The following CCDC69 variants were observed in gnomAD, a reference collection of about 807,000 sequenced individuals.
CCDC69 encodes coiled-coil domain-containing protein 69.
A neutral mutation model predicts 40.3 loss-of-function variants in CCDC69; 38 were observed. That is an observed-to-expected ratio of 0.94 (90% confidence interval 0.73 to 1.24). The LOEUF (loss-of-function observed/expected upper bound fraction) is 1.24, where lower values mean the gene tolerates loss of function less well. CCDC69 is among the 50% of genes most tolerant of loss of function. The probability of loss-of-function intolerance (pLI) is 0.00; values close to 1 mark genes in which losing one functional copy is unlikely to be tolerated. For synonymous variants in CCDC69, 141 were observed against 138.9 expected (o/e 1.02, Z -0.11); for missense variants, 389 against 357.9 (o/e 1.09, Z -0.70).
rs376794089 is a variant in CCDC69, at chr5:151,184,404, G to T, written c.653C>A (p.Thr218Asn). The change falls in exon 8 of 9, where the codon ACC becomes AAC. Residue 218 changes from threonine to asparagine, a missense_variant. Physicochemically the swap from Thr to Asn is moderately conservative, Grantham distance 65. Transcript: ENST00000355417. ...GAGGTCCTCATTTTCCTGTTGCAGG[G>T]TCGTAATTTTTTCCTCCAATATCAG... is the stretch of plus-strand genomic sequence containing the variant. ...KNLILEEKITTLQQENEDLHV... is the reference protein window; with the variant it reads ...KNLILEEKITNLQQENEDLHV... The T allele has an allele frequency of 1.4e-5, 23 of 1,613,956 alleles. No individual in the cohort carries two copies. The highest frequency in any genetic ancestry group is 1.9e-5 in the Non-Finnish European group (23 of 1,179,956).
intron 2 of CCDC69, among the ~76,000 whole-genome samples, chr5:151,205,196 C>G (rs1278854048): frequency 6.6e-6 from 1 of 152,178 alleles, no homozygotes; most frequent in East Asian, 1.9e-4. Context: ...ATATATAGCA[C>G]TCTAGGTGTG....
chr5:151,201,916 G>T (rs1023500566), intron 2 of CCDC69, among the ~76,000 whole-genome samples: 3 of 152,036 alleles, frequency 2.0e-5, no homozygotes, highest in Non-Finnish European at 4.4e-5. Context: ...TTGTCTTCTG[G>T]TCTCTGCCTC....
chr5:151,196,420 G>A (rs147358476), intron 4 of CCDC69, among the ~76,000 whole-genome samples: 4,541 of 152,198 alleles, frequency 0.03, 148 homozygotes, highest in African/African-American at 0.079. Flanking sequence ...GCCTCCCAAA[G>A]TGCTGGTATT....
intron 1 of CCDC69, 41 bp downstream of exon 1, chr5:151,223,882 C>G (rs1297237392): frequency 6.3e-7 from 1 of 1,584,662 alleles, no homozygotes; most frequent in South Asian, 1.1e-5. Context: ...TCCGCACTCC[C>G]CTCTCCTCTG....
At chr5:151,223,732 G>C (rs1232843775) in intron 1 of CCDC69, among the ~76,000 whole-genome samples, 191 bp downstream of exon 1, 1 of 152,168 alleles carries the variant, frequency 6.6e-6, no homozygotes, top group Non-Finnish European at 1.5e-5. Context: ...TCGGCTGCTT[G>C]GTGCGGCTCG....
rs1752991616 is a variant in CCDC69 at position 151,213,816 on chromosome 5, A to G, written c.49-8341T>C. Reference sequence around the variant, plus strand: ...CTCATTGTTCCTGCTTAACTTAGAGAATTTAGTAATTAAAGAAGACTCCTT... The same window carrying G: ...CTCATTGTTCCTGCTTAACTTAGAGGATTTAGTAATTAAAGAAGACTCCTT... On this transcript the variant is annotated intron_variant, in intron 1 of 8. Coordinates refer to ENST00000355417, the MANE Select transcript of CCDC69 (RefSeq NM_015621.3). Among the ~76,000 whole-genome samples the G allele has an allele frequency of 3.3e-5, 5 of 152,112 alleles. No homozygotes were observed. The South Asian group carries it at 1.0e-3, about 31-fold the overall frequency.
chr5:151,192,746 C>T (rs1346315281), intron 4 of CCDC69, among the ~76,000 whole-genome samples: 1 of 152,064 alleles, frequency 6.6e-6, no homozygotes, highest in Non-Finnish European at 1.5e-5. Context: ...TAGACACAAA[C>T]ATTCTCAGTA....
Position 151,198,956 on chromosome 5 carries a change from AC to A in CCDC69, c.319+40del, listed in dbSNP as rs749505881. 305 of 1,503,112 alleles carry A rather than the reference AC, an allele frequency of 2.0e-4. 1 individual carries two copies. Among genetic ancestry groups the A allele is most frequent in the Non-Finnish European group, 5.9e-5 (64 of 1,079,460 alleles). 93.1% of individuals were successfully genotyped at this position (1,503,112 alleles called of 1,614,324 possible). A position where few individuals can be genotyped will look rare whatever the true frequency, so the allele number is the denominator to read the frequency against. On this transcript the variant is annotated intron_variant, in intron 4 of 8. Coordinates refer to ENST00000355417, the MANE Select transcript of CCDC69 (RefSeq NM_015621.3). ...TGGGCAGGTGGGGCCAGAAGGAAGC[AC>A]CCCCCACCACCTTGGCCAGTGGAAC... is the stretch of plus-strand genomic sequence containing the variant.
chr5:151,221,080 T>C (rs1161524453), intron 1 of CCDC69, among the ~76,000 whole-genome samples: 1 of 152,104 alleles, frequency 6.6e-6, no homozygotes, highest in African/African-American at 2.4e-5. Flanking sequence ...GCATTTCAAC[T>C]TGTCCCAATA....
chr5:151,220,031 T>G (rs1158762757), intron 1 of CCDC69, among the ~76,000 whole-genome samples: 1 of 152,078 alleles, frequency 6.6e-6, no homozygotes, highest in Non-Finnish European at 1.5e-5. Flanking sequence ...AAAACTGCTT[T>G]CCATGCCCCT....
At position 151,196,041 on chromosome 5, in the gene CCDC69, T is replaced by C. The variant is rs191846048; in HGVS notation, c.319+2956A>G. Among the ~76,000 whole-genome samples, 96 of 152,364 alleles carry C rather than the reference T, an allele frequency of 6.3e-4. 1 individual carries two copies. Among genetic ancestry groups the C allele is most frequent in the Admixed American group, 1.4e-3 (22 of 15,308 alleles). On this transcript the variant is annotated intron_variant, in intron 4 of 8. Coordinates refer to ENST00000355417, the MANE Select transcript of CCDC69 (RefSeq NM_015621.3). Reference sequence around the variant, plus strand: ...CATGTACTTTACGGTCTTGCCTTTATAAACATTTTAGTAGCAGCATAATTA... The same window carrying C: ...CATGTACTTTACGGTCTTGCCTTTACAAACATTTTAGTAGCAGCATAATTA...
At chr5:151,199,783 G>A (rs1752752181) in intron 3 of CCDC69, among the ~76,000 whole-genome samples, 1 of 152,118 alleles carries the variant, frequency 6.6e-6, no homozygotes, top group Non-Finnish European at 1.5e-5. Flanking sequence ...GGATTCCACA[G>A]GTAATGGTCA....
Position 151,219,026 on chromosome 5 carries a change from G to A in CCDC69, c.48+4897C>T, listed in dbSNP as rs564801005. Among the ~76,000 whole-genome samples the A allele has an allele frequency of 3.9e-5, 6 of 152,342 alleles. No homozygotes were observed. The South Asian group carries it at 1.2e-3, about 32-fold the overall frequency. Reference sequence around the variant, plus strand: ...AGGTCTTCCAGAGTGCCTTGTGCATGGAAGCCTGTACTGGCTTTAGCTAGG... The same window carrying A: ...AGGTCTTCCAGAGTGCCTTGTGCATAGAAGCCTGTACTGGCTTTAGCTAGG... On this transcript the variant is annotated intron_variant, in intron 1 of 8. Coordinates refer to ENST00000355417, the MANE Select transcript of CCDC69 (RefSeq NM_015621.3).
chr5:151,191,858 G>A (rs972774469), intron 4 of CCDC69, among the ~76,000 whole-genome samples: 8 of 152,036 alleles, frequency 5.3e-5, no homozygotes, highest in African/African-American at 1.9e-4. Flanking sequence ...GCGGAGTCAG[G>A]AGGACTGCTG....
At chr5:151,210,982 A>G (rs1752937549) in intron 1 of CCDC69, 1 of 152,156 alleles carries the variant, frequency 6.6e-6, no homozygotes, top group Non-Finnish European at 1.5e-5. Context: ...AAAGAAAAAG[A>G]CCAGTTTCAC....
At chr5:151,199,991 C>T (rs1244657222) in intron 3 of CCDC69, among the ~76,000 whole-genome samples, 1 of 152,222 alleles carries the variant, frequency 6.6e-6, no homozygotes, top group East Asian at 1.9e-4. Flanking sequence ...CCCGATTTCT[C>T]CCTGTACCCC....
At chr5:151,203,402 C>T (rs1195522613) in intron 2 of CCDC69, among the ~76,000 whole-genome samples, 2 of 151,042 alleles carry the variant, frequency 1.3e-5, no homozygotes, top group Admixed American at 1.3e-4. Flanking sequence ...CCCAGCTACT[C>T]GGGAGGCTGA....
In CCDC69 at chr5:151,182,629, T is replaced by C. The variant is rs567587152; in HGVS notation, c.*808A>G. On this transcript the variant is annotated 3_prime_UTR_variant, in exon 9 of 9. Coordinates refer to ENST00000355417, the MANE Select transcript of CCDC69 (RefSeq NM_015621.3). ...TGCAGGGATGAGGTTCCAGCTCTGA[T>C]AGATGAATGGACTCACAACCACCAA... 10 of 229,956 alleles carry C rather than the reference T, an allele frequency of 4.3e-5. No individual in the cohort carries two copies. The highest frequency in any genetic ancestry group is 1.2e-4 in the South Asian group (2 of 16,514). 14.2% of individuals were successfully genotyped at this position (229,956 alleles called of 1,614,324 possible).
chr5:151,196,709 G>T (rs1228537005), intron 4 of CCDC69, among the ~76,000 whole-genome samples: 9 of 152,196 alleles, frequency 5.9e-5, no homozygotes, highest in Non-Finnish European at 1.2e-4. Context: ...AGCAACAGGT[G>T]TTGCAGAAAA....
Sources: gnomAD v4.1 joint callset for allele counts (sites outside exome capture counted in the v4.1 genomes callset) on GRCh38, gnomAD v4.1.1 for gene constraint, MANE v1.5 for transcripts, NCBI Gene and HGNC (gene_info 2026-07-23, HGNC 2026-07-21) for gene names.